Variants in SLC25A43 observed in about 807,000 individuals in gnomAD.
SLC25A43 encodes solute carrier family 25, member 43.
A neutral mutation model predicts 22.8 loss-of-function variants in SLC25A43; 10 were observed. The ratio of observed to expected loss-of-function variants is 0.44; its 90% confidence interval spans 0.27 to 0.74. The LOEUF (loss-of-function observed/expected upper bound fraction) is 0.74. Among genes scored for constraint, SLC25A43 ranks in the 30% least tolerant of loss-of-function variants. SLC25A43 has a pLI of 0.17. For synonymous variants in SLC25A43, 106 were observed against 121.6 expected (o/e 0.87, Z 0.84); for missense variants, 233 against 279.1 (o/e 0.83, Z 1.18).
chrX:119,425,167 C>G (rs1007778696), intron 3 of SLC25A43, among the ~76,000 whole-genome samples: 2 of 111,926 alleles, frequency 1.8e-5, no homozygotes, highest in African/African-American at 6.5e-5. Flanking sequence ...CTTGAGAAGC[C>G]GTAATGAGCA....
intron 1 of SLC25A43, among the ~76,000 whole-genome samples, chrX:119,405,917 G>A (rs1480899224): frequency 1.3e-4 from 15 of 111,361 alleles, no homozygotes; most frequent in Non-Finnish European, 5.7e-5. Context: ...CTGTTGTCCC[G>A]GCTACTTGTG....
Position 119,431,083 on chromosome X carries a change from T to C in SLC25A43, c.690+20721T>C, listed in dbSNP as rs1166970093. 3.6e-5 allele frequency among the ~76,000 whole-genome samples: 4 copies of C among 112,215 alleles called. No individual in the cohort carries two copies. The Admixed American group carries it at 3.8e-4, about 11-fold the overall frequency. ...AACAGACCCAGATTCAAGTTGATGC[T>C]TTGTGTCATGGTCTGTGATTTTAGA... On this transcript the variant is annotated intron_variant, in intron 3 of 4. Transcript: ENST00000217909.
intron 3 of SLC25A43, among the ~76,000 whole-genome samples, chrX:119,428,044 T>C (rs902467976): frequency 8.9e-6 from 1 of 112,498 alleles, no homozygotes; most frequent in African/African-American, 3.2e-5. Flanking sequence ...TTTACCTGTA[T>C]CTTTCCAAAG....
intron 3 of SLC25A43, among the ~76,000 whole-genome samples, chrX:119,418,236 C>T (rs1232881501): frequency 9.0e-6 from 1 of 111,704 alleles, no homozygotes; most frequent in Non-Finnish European, 1.9e-5. Context: ...GCACACACTC[C>T]AAATTCACCA....
chrX:119,422,548 C>T (rs992698494), intron 3 of SLC25A43, among the ~76,000 whole-genome samples: 32 of 112,612 alleles, frequency 2.8e-4, no homozygotes, highest in African/African-American at 1.0e-3. Flanking sequence ...ATCCTCACAA[C>T]ACACAGCCTC....
At chrX:119,413,388 T>C (rs2052367585) in intron 3 of SLC25A43, among the ~76,000 whole-genome samples, 1 of 111,639 alleles carries the variant, frequency 9.0e-6, no homozygotes, top group African/African-American at 3.3e-5. Flanking sequence ...TTTTACAAAA[T>C]TGTGTTCACA....
chrX:119,450,043 T>C (rs1422562438), intron 3 of SLC25A43, among the ~76,000 whole-genome samples: 1 of 111,813 alleles, frequency 8.9e-6, no homozygotes, highest in African/African-American at 3.3e-5. Flanking sequence ...TCTAGGTGTG[T>C]CGAGTTTTGA....
chrX:119,401,190 C>T (rs58562467), intron 1 of SLC25A43, among the ~76,000 whole-genome samples: 1 of 111,464 alleles, frequency 9.0e-6, no homozygotes, highest in East Asian at 2.8e-4. Flanking sequence ...CCGAGCTGAG[C>T]TCCACTACCT....
At chrX:119,450,856 C>T (rs62599429) in intron 3 of SLC25A43, among the ~76,000 whole-genome samples, 9,388 of 112,263 alleles carry the variant, frequency 0.084, 289 homozygotes, top group African/African-American at 0.098. Flanking sequence ...TTCATCTGAT[C>T]GTAAAATTAT....
intron 3 of SLC25A43, chrX:119,423,964 T>TGA (rs2052479890): frequency 9.1e-6 from 1 of 110,006 alleles, no homozygotes; most frequent in African/African-American, 3.3e-5. Context: ...CCTGTAATCC[T>TGA]AGCACTTTCG....
chrX:119,451,457 C>G (rs1248691002), intron 3 of SLC25A43, among the ~76,000 whole-genome samples: 1 of 111,705 alleles, frequency 9.0e-6, no homozygotes, highest in Non-Finnish European at 1.9e-5. Flanking sequence ...TAGATAATAG[C>G]AGGCCAAGGA....
At chrX:119,403,809 G>A (rs984076367) in intron 1 of SLC25A43, among the ~76,000 whole-genome samples, 31 of 110,667 alleles carry the variant, frequency 2.8e-4, no homozygotes, top group Admixed American at 6.7e-4. Context: ...CCTCAACACA[G>A]AAGACTTCTG....
At chrX:119,403,546 C>T (rs1213725554) in intron 1 of SLC25A43, among the ~76,000 whole-genome samples, 3 of 112,016 alleles carry the variant, frequency 2.7e-5, no homozygotes. Flanking sequence ...CCTTGGCCTT[C>T]CAAAGTGCTG....
chrX:119,435,276 G>T (rs2147287415), intron 3 of SLC25A43, among the ~76,000 whole-genome samples: 1 of 110,773 alleles, frequency 9.0e-6, no homozygotes, highest in Admixed American at 9.7e-5. Flanking sequence ...AAATTTGGGA[G>T]CTGGTCGACT....
chrX:119,421,111 CAAAAAAAAAAAAAA>C (rs55775067), intron 3 of SLC25A43, among the ~76,000 whole-genome samples: 3 of 50,371 alleles, frequency 6.0e-5, no homozygotes, highest in East Asian at 6.6e-4. Context: ...AACTTCATCT[CAAAAAAAAAAAAAA>C]AAAAAAAAAA....
chrX:119,427,056 G>A (rs964453724), intron 3 of SLC25A43, among the ~76,000 whole-genome samples: 1 of 111,225 alleles, frequency 9.0e-6, no homozygotes, highest in African/African-American at 3.3e-5. Flanking sequence ...AGCCTTCTGA[G>A]AACTGTCACT....
At chrX:119,443,191 C>T (rs1416388624) in intron 3 of SLC25A43, among the ~76,000 whole-genome samples, 2 of 99,442 alleles carry the variant, frequency 2.0e-5, no homozygotes, top group Non-Finnish European at 4.0e-5. Context: ...ACAATCTTGG[C>T]TCACTGCAAC....
At position 119,453,567 on chromosome X, in the gene SLC25A43, C is replaced by T; in HGVS notation, c.*502C>T. On this transcript the variant is annotated 3_prime_UTR_variant, in exon 5 of 5. Coordinates refer to ENST00000217909, the MANE Select transcript of SLC25A43 (RefSeq NM_145305.3). ...TTTTGTTTTTAGAGACAGGGTCTTG[C>T]TCTGTCACCCAGACTGGAGTACAAT... 1 of 124,026 alleles carries T rather than the reference C, an allele frequency of 8.1e-6. No individual in the cohort carries two copies. Among genetic ancestry groups the T allele is most frequent in the Non-Finnish European group, 1.7e-5 (1 of 60,286 alleles). 10.2% of individuals were successfully genotyped at this position (124,026 alleles called of 1,213,427 possible).
intron 3 of SLC25A43, among the ~76,000 whole-genome samples, chrX:119,413,123 A>G (rs1365108470): frequency 9.3e-6 from 1 of 108,033 alleles, no homozygotes; most frequent in Non-Finnish European, 1.9e-5. Flanking sequence ...TGTCTCAAAG[A>G]AAAAAAAAAG....
Sources: gnomAD v4.1 joint callset for allele counts (sites outside exome capture counted in the v4.1 genomes callset) on GRCh38, gnomAD v4.1.1 for gene constraint, MANE v1.5 for transcripts, NCBI Gene and HGNC (gene_info 2026-07-23, HGNC 2026-07-21) for gene names.